Variants in CR1 observed in about 807,000 individuals in gnomAD.
CR1 encodes complement C3b/C4b receptor 1 (Knops blood group), also known as complement receptor type 1.
Under a neutral mutation model 187.3 loss-of-function variants are expected in CR1, and 116 were observed. The ratio of observed to expected loss-of-function variants is 0.62; its 90% CI spans 0.53 to 0.72. CR1 has a LOEUF of 0.72. Among genes scored for constraint, CR1 ranks in the 30% least tolerant of loss-of-function variants. The pLI is 0.00. For missense variants in CR1, 1,731 were observed against 2,110.7 expected (o/e 0.82, Z 3.52); for synonymous variants, 576 against 747.1 (o/e 0.77, Z 3.73).
chr1:207,509,072 T>A (rs1235189009), intron 3 of CR1, among the ~76,000 whole-genome samples: 1 of 152,256 alleles, frequency 6.6e-6, no homozygotes, highest in Non-Finnish European at 1.5e-5. Flanking sequence ...TGTGCTAACC[T>A]AAATAATTCA....
chr1:207,614,701 CTG>C (rs1231729138), intron 40 of CR1, among the ~76,000 whole-genome samples: 2 of 152,108 alleles, frequency 1.3e-5, no homozygotes, highest in Non-Finnish European at 2.9e-5. Context: ...AGTTTAATGA[CTG>C]TTTAATTTTG....
At chr1:207,597,630 C>T (rs905703080) in intron 35 of CR1, among the ~76,000 whole-genome samples, 19 of 152,092 alleles carry the variant, frequency 1.2e-4, no homozygotes, top group South Asian at 8.3e-4. Flanking sequence ...GAAATTAGAA[C>T]GCTTATACAT....
At chr1:207,513,497 A>G (rs79059245) in intron 4 of CR1, among the ~76,000 whole-genome samples, 4,230 of 152,260 alleles carry the variant, frequency 0.028, 184 homozygotes, top group African/African-American at 0.096. Context: ...GTGCCTCACC[A>G]GCTCTATCCA....
Position 207,639,659 on chromosome 1 carries a change from A to G in CR1, c.*250A>G. ...ACGCACACAGTATCTAGTCAGGGGA[A>G]AAGACTGCATTTAGGAGATAGAAAA... On this transcript the variant is annotated 3_prime_UTR_variant, in exon 47 of 47. Coordinates refer to ENST00000367049, the MANE Select transcript of CR1 (RefSeq NM_000651.6). 2.4e-6 allele frequency: 1 copy of G among 423,518 alleles called. No individual in the cohort carries two copies. The highest frequency in any genetic ancestry group is 4.2e-6 in the Non-Finnish European group (1 of 236,292). 26.2% of individuals were successfully genotyped at this position (423,518 alleles called of 1,614,324 possible). A position where few individuals can be genotyped will look rare whatever the true frequency, so the allele number is the denominator to read the frequency against.
At position 207,520,393 on chromosome 1, in the gene CR1, T is replaced by C. The variant is rs189851233; in HGVS notation, c.488-3218T>C. Among the ~76,000 whole-genome samples the C allele has an allele frequency of 2.8e-4, 43 of 152,340 alleles. No homozygotes were observed. The East Asian group carries it at 7.4e-3, about 26-fold the overall frequency. On this transcript the variant is annotated intron_variant, in intron 4 of 46. Coordinates refer to ENST00000367049, the MANE Select transcript of CR1 (RefSeq NM_000651.6). ...AGTCGCAGCACGACTGCCTGGAACATGTGCCTGCTTTCTTTAAACTCACCA... is the reference window on the plus strand; with the variant it reads ...AGTCGCAGCACGACTGCCTGGAACACGTGCCTGCTTTCTTTAAACTCACCA...
intron 45 of CR1, among the ~76,000 whole-genome samples, chr1:207,623,911 CTTTTTTT>C (rs71154830): frequency 4.4e-4 from 23 of 52,472 alleles, no homozygotes; most frequent in African/African-American, 1.3e-3. Context: ...ACACCATTAA[CTTTTTTT>C]TTTTTTTTTT....
chr1:207,509,620 A>C (rs1659554325), intron 3 of CR1, among the ~76,000 whole-genome samples: 1 of 152,218 alleles, frequency 6.6e-6, no homozygotes, highest in African/African-American at 2.4e-5. Context: ...ACAACACTGA[A>C]CAATAGTATG....
intron 1 of CR1, among the ~76,000 whole-genome samples, chr1:207,497,955 G>A (rs544784186): frequency 4.6e-5 from 7 of 152,322 alleles, no homozygotes; most frequent in African/African-American, 1.7e-4. Flanking sequence ...AAGTATAAGA[G>A]CTCTGCACCC....
At chr1:207,632,442 C>T (rs969111729) in intron 46 of CR1, among the ~76,000 whole-genome samples, 1 of 152,118 alleles carries the variant, frequency 6.6e-6, no homozygotes, top group Non-Finnish European at 1.5e-5. Flanking sequence ...AACATGAACA[C>T]AAACACATTT....
intron 5 of CR1, among the ~76,000 whole-genome samples, chr1:207,525,738 C>T (rs1413613927): frequency 6.6e-6 from 1 of 151,948 alleles, no homozygotes; most frequent in Non-Finnish European, 1.5e-5. Flanking sequence ...AGGCTGGGGG[C>T]CAACAGAAAT....
chr1:207,514,994 TACACACACAC>T (rs369482432), intron 4 of CR1, among the ~76,000 whole-genome samples: 4 of 119,570 alleles, frequency 3.3e-5, no homozygotes, highest in Middle Eastern at 4.4e-3. Flanking sequence ...TATATATATA[TACACACACAC>T]ACACACACAC....
At chr1:207,629,572 A>T (rs1332686045) in intron 45 of CR1, among the ~76,000 whole-genome samples, 1 of 152,190 alleles carries the variant, frequency 6.6e-6, no homozygotes, top group Non-Finnish European at 1.5e-5. Flanking sequence ...TTCTCAAATG[A>T]TGCTGTCATT....
intron 46 of CR1, among the ~76,000 whole-genome samples, chr1:207,638,879 CAG>C (rs1662895399): frequency 6.6e-6 from 1 of 152,208 alleles, no homozygotes; most frequent in African/African-American, 2.4e-5. Flanking sequence ...CCCCTGGAAG[CAG>C]AGAGACTGCC....
At position 207,596,075 on chromosome 1, in the gene CR1, C is replaced by CTA. The variant is rs555640740; in HGVS notation, c.5810+7316_5810+7317dup. Among the ~76,000 whole-genome samples the CTA allele has an allele frequency of 1.1e-3, 141 of 124,546 alleles. 1 individual carries two copies. The highest frequency in any genetic ancestry group is 2.6e-3 in the East Asian group (11 of 4,212). The allele number at this position is 124,546 out of a possible 152,430, so 81.7% of individuals were successfully genotyped here. A position where few individuals can be genotyped will look rare whatever the true frequency, so the allele number is the denominator to read the frequency against. Reference sequence around the variant, plus strand: ...TATCTATATATATCTATATCTATATCTATATATATATATATAATCAAATTT... The same window carrying CTA: ...TATCTATATATATCTATATCTATATCTATATATATATATATATAATCAAATTT... On this transcript the variant is annotated intron_variant, in intron 35 of 46. Coordinates refer to ENST00000367049, the MANE Select transcript of CR1 (RefSeq NM_000651.6).
At chr1:207,579,353 G>A (rs558620193) in intron 29 of CR1, among the ~76,000 whole-genome samples, 1 of 152,168 alleles carries the variant, frequency 6.6e-6, no homozygotes, top group South Asian at 2.1e-4. Context: ...TGCAACCACT[G>A]AGCTGGGAAG....
intron 4 of CR1, among the ~76,000 whole-genome samples, chr1:207,513,833 T>C (rs1457175896): frequency 6.7e-6 from 1 of 149,622 alleles, no homozygotes; most frequent in Non-Finnish European, 1.5e-5. Context: ...TCTTTCTTCT[T>C]TACCACGCTG....
intron 4 of CR1, among the ~76,000 whole-genome samples, chr1:207,513,843 G>A (rs1468349686): frequency 1.4e-5 from 2 of 145,262 alleles, no homozygotes; most frequent in Non-Finnish European, 1.5e-5. Context: ...TTACCACGCT[G>A]GCTAGGACCA....
chr1:207,504,612 A>G (rs777398826), intron 1 of CR1, among the ~76,000 whole-genome samples: 1 of 152,210 alleles, frequency 6.6e-6, no homozygotes, highest in Non-Finnish European at 1.5e-5. Context: ...AGAATTATAC[A>G]TGATGATAGG....
At chr1:207,633,754 T>G (rs955686138) in intron 46 of CR1, among the ~76,000 whole-genome samples, 1 of 152,240 alleles carries the variant, frequency 6.6e-6, no homozygotes, top group Admixed American at 6.5e-5. Context: ...AAATTTTTCA[T>G]GCACGTCCCT....
Sources: allele counts gnomAD v4.1 joint callset (sites outside exome capture counted in the v4.1 genomes callset), GRCh38; gene constraint gnomAD v4.1.1; transcripts MANE v1.5; gene names NCBI Gene and HGNC (gene_info 2026-07-23, HGNC 2026-07-21).